Variants in CEP290 observed in about 807,000 individuals in gnomAD.
The protein encoded by CEP290 is centrosomal protein 290.
A neutral mutation model predicts 344.9 loss-of-function variants in CEP290; 317 were observed. The observed-to-expected ratio is 0.92, with a 90% CI of 0.84 to 1.01. The LOEUF (loss-of-function observed/expected upper bound fraction) is 1.01. CEP290 is among the 50% of genes least tolerant of loss of function. CEP290 has a pLI of 0.00. For synonymous variants in CEP290, 932 were observed against 895.8 expected (o/e 1.04, Z -0.72); for missense variants, 2,754 against 2,761.4 (o/e 1.00, Z 0.06).
chr12:88,111,889 T>A, intron 20 of CEP290, 31 bp from the exon 21 acceptor site: 1 of 1,416,658 alleles, frequency 7.1e-7, no homozygotes, highest in South Asian at 1.6e-5. Flanking sequence ...ATTAGAAATG[T>A]GGAGAAAAAC....
chr12:88,071,020 G>A (rs2035331486), intron 43 of CEP290, among the ~76,000 whole-genome samples: 1 of 152,104 alleles, frequency 6.6e-6, no homozygotes. Flanking sequence ...GGAACTTGTG[G>A]CCTGAACCTA....
At chr12:88,103,067 C>G in intron 25 of CEP290, 56 bp from the exon 26 acceptor site, 1 of 1,095,470 alleles carries the variant, frequency 9.1e-7, no homozygotes, top group African/African-American at 1.7e-5. Flanking sequence ...TGGTCAAGCA[C>G]TAGCCACTTT....
Position 88,109,082 on chromosome 12 carries a change from A to G in CEP290, c.2467T>C (p.Tyr823His). The part of the protein sequence containing the change: ...AVIRHQQSLL[Y>H]KEYLSEKETW... ...TACCTATACCTTAGGTATTCTTTAT[A>G]CAACAAACTTTGTTGATGACGAATT... The change falls in exon 23 of 54, where the codon TAT becomes CAT. Residue 823 changes from tyrosine to histidine, a missense_variant. Physicochemically the swap from Tyr to His is moderately conservative, Grantham distance 83. Transcript: ENST00000552810. The G allele has an allele frequency of 2.2e-6, 3 of 1,358,154 alleles. No individual in the cohort carries two copies. Among genetic ancestry groups the G allele is most frequent in the Non-Finnish European group, 3.0e-6 (3 of 1,000,732 alleles). The allele number at this position is 1,358,154 out of a possible 1,614,324, so 84.1% of individuals were successfully genotyped here. A position where few individuals can be genotyped will look rare whatever the true frequency, so the allele number is the denominator to read the frequency against.
intron 23 of CEP290, among the ~76,000 whole-genome samples, chr12:88,107,371 C>T (rs2038361055): frequency 6.6e-6 from 1 of 151,902 alleles, no homozygotes; most frequent in African/African-American, 2.4e-5. Flanking sequence ...ATAATTGAAG[C>T]TGAATCTTAT....
At chr12:88,071,608 C>T (rs2035381496) in intron 42 of CEP290, among the ~76,000 whole-genome samples, 159 bp from the exon 43 acceptor site, 1 of 151,822 alleles carries the variant, frequency 6.6e-6, no homozygotes, top group Non-Finnish European at 1.5e-5. Flanking sequence ...ATAATTGTTA[C>T]AATATATTTA....
Position 88,093,957 on chromosome 12 carries a change from T to C in CEP290, c.3122A>G (p.Asp1041Gly). 6.2e-7 allele frequency: 1 copy of C among 1,610,132 alleles called. No individual in the cohort carries two copies. The highest frequency in any genetic ancestry group is 8.5e-7 in the Non-Finnish European group (1 of 1,178,424). The change falls in exon 28 of 54, where the codon GAT (aspartate) becomes GGT (glycine). Residue 1041 changes from aspartate (D) to glycine (G), a missense_variant. Physicochemically the swap from Asp to Gly is moderately conservative, Grantham distance 94 (BLOSUM62 -1). Transcript: ENST00000552810. ...ETKLGNESSM[D>G]KAKKSITNSD... is the part of the protein sequence containing the mutation. ...GTTGGTTATTGATTTCTTTGCCTTATCCATGCTAGATTCATTACCTACATG... is the reference window on the plus strand; with the variant it reads ...GTTGGTTATTGATTTCTTTGCCTTACCCATGCTAGATTCATTACCTACATG...
At chr12:88,071,059 G>A (rs969925036) in intron 43 of CEP290, among the ~76,000 whole-genome samples, 22 of 152,080 alleles carry the variant, frequency 1.4e-4, no homozygotes, top group African/African-American at 4.8e-4. Context: ...TAAAACAAAA[G>A]TATCTACATT....
intron 27 of CEP290, among the ~76,000 whole-genome samples, chr12:88,096,053 T>A (rs917102384): frequency 3.5e-4 from 10 of 28,782 alleles, no homozygotes; most frequent in Non-Finnish European, 5.2e-4. Flanking sequence ...AAAACAAATT[T>A]TTTTTTTTTT....
At chr12:88,101,274 G>A (rs2037853950) in intron 26 of CEP290, among the ~76,000 whole-genome samples, 1 of 151,950 alleles carries the variant, frequency 6.6e-6, no homozygotes, top group African/African-American at 2.4e-5. Context: ...GAGTTCAGGA[G>A]ATCGACACCA....
intron 53 of CEP290, 26 bp downstream of exon 53, chr12:88,050,328 G>A (rs2033374081): frequency 4.2e-6 from 5 of 1,177,152 alleles, no homozygotes; most frequent in South Asian, 2.7e-5. Flanking sequence ...TTCACAAAAC[G>A]ATACTAAAAT....
intron 27 of CEP290, 30 bp from the exon 28 acceptor site, chr12:88,094,005 A>C: frequency 8.7e-4 from 1,290 of 1,481,594 alleles, no homozygotes; most frequent in Non-Finnish European, 1.1e-3. Flanking sequence ...AGTCAATCTC[A>C]TGCTGTTTAT....
rs2036719221 is a variant in CEP290, at chr12:88,087,916, T to A, written c.4058A>T (p.Glu1353Val). The change falls in exon 32 of 54, where the codon GAA (glutamate) becomes GTA (valine). Residue 1353 changes from glutamate (E) to valine (V), a missense_variant. By Grantham distance (121) the Glu-to-Val change is moderately radical. Coordinates refer to ENST00000552810, the MANE Select transcript of CEP290 (RefSeq NM_025114.4). ...TAGTTTAAGTTCTTGAAGACGAAGT[T>A]CTTCTATTTTCATATGCCAGTTGAT... The part of the protein sequence containing the change: ...KVINWHMKIE[E>V]LRLQELKLNR... 8.3e-7 allele frequency: 1 copy of A among 1,197,860 alleles called. No individual in the cohort carries two copies. The highest frequency in any genetic ancestry group is 1.1e-6 in the Non-Finnish European group (1 of 935,280). The allele number at this position is 1,197,860 out of a possible 1,614,324, so 74.2% of individuals were successfully genotyped here.
At chr12:88,051,134 A>C (rs557533859) in intron 52 of CEP290, among the ~76,000 whole-genome samples, 147 of 152,196 alleles carry the variant, frequency 9.7e-4, no homozygotes, top group African/African-American at 3.5e-3. Flanking sequence ...AAAAATAATA[A>C]AATACTAAAA....
intron 17 of CEP290, among the ~76,000 whole-genome samples, chr12:88,117,914 T>C (rs1251328057): frequency 6.6e-6 from 1 of 151,990 alleles, no homozygotes; most frequent in Non-Finnish European, 1.5e-5. Context: ...CTCACGCCTG[T>C]AGTCTCAACT....
chr12:88,086,499 C>G lies in CEP290; in HGVS notation c.4195-1G>C, dbSNP rs751807811. On this transcript the variant is annotated splice_acceptor_variant, in intron 32 of 53. Transcript: ENST00000552810. LOFTEE classifies it high-confidence loss of function. ...AGGCCATTTGTCTTTCTTCATGAAA[C>G]TAAAAAAAGGACAATTTGTGTCAGA... 6.3e-7 allele frequency: 1 copy of G among 1,580,692 alleles called. No individual in the cohort carries two copies. Among genetic ancestry groups the G allele is most frequent in the Non-Finnish European group, 8.6e-7 (1 of 1,161,134 alleles).
chr12:88,125,330 C>A lies in CEP290; in HGVS notation c.1105G>T (p.Glu369Ter). Residue 369 changes from glutamate (E) to a stop codon, truncating the protein, a stop_gained, in exon 13 of 54, where the codon GAA becomes TAA. Coordinates refer to ENST00000552810, the MANE Select transcript of CEP290 (RefSeq NM_025114.4). LOFTEE classifies it high-confidence loss of function. Reference protein sequence around the residue: ...ERDSQIKMLTEQVEQYTKEME... With the variant: ...ERDSQIKMLT ...TCTTTTGTATATTGTTCTACTTGTT[C>A]GGTGAGCATCTTAATTTGACTGTCT... 2 of 1,315,732 alleles carry A rather than the reference C, an allele frequency of 1.5e-6. No individual in the cohort carries two copies. The highest frequency in any genetic ancestry group is 2.0e-6 in the Non-Finnish European group (2 of 1,002,554). The allele number at this position is 1,315,732 out of a possible 1,614,324, so 81.5% of individuals were successfully genotyped here. A position where few individuals can be genotyped will look rare whatever the true frequency, so the allele number is the denominator to read the frequency against.
Position 88,049,127 on chromosome 12 carries a change from A to ATATT in CEP290, c.*53_*56dup. On this transcript the variant is annotated 3_prime_UTR_variant, in exon 54 of 54. Coordinates refer to ENST00000552810, the MANE Select transcript of CEP290 (RefSeq NM_025114.4). ...TTCGGAGAACTGCTTATTTCCAAGTATATTTAACTTATAAAGTTAATAAAT... is the reference window on the plus strand; with the variant it reads ...TTCGGAGAACTGCTTATTTCCAAGTATATTTATTTAACTTATAAAGTTAATAAAT... The ATATT allele has an allele frequency of 9.9e-7, 1 of 1,010,950 alleles. No individual in the cohort carries two copies. Among genetic ancestry groups the ATATT allele is most frequent in the South Asian group, 1.6e-5 (1 of 61,984 alleles). 62.6% of individuals were successfully genotyped at this position (1,010,950 alleles called of 1,614,324 possible).
Position 88,049,126 on chromosome 12 carries a change from T to C in CEP290, c.*58A>G. On this transcript the variant is annotated 3_prime_UTR_variant, in exon 54 of 54. Coordinates refer to ENST00000552810, the MANE Select transcript of CEP290 (RefSeq NM_025114.4). ...GTTCGGAGAACTGCTTATTTCCAAG[T>C]ATATTTAACTTATAAAGTTAATAAA... 1.0e-6 allele frequency: 1 copy of C among 995,600 alleles called. No homozygotes were observed. The highest frequency in any genetic ancestry group is 2.4e-5 in the Admixed American group (1 of 41,606). 61.7% of individuals were successfully genotyped at this position (995,600 alleles called of 1,614,324 possible).
chr12:88,058,696 C>G (rs1282627174), intron 49 of CEP290, 152 bp downstream of exon 49: 1 of 774,420 alleles, frequency 1.3e-6, no homozygotes, highest in Non-Finnish European at 2.0e-6. Flanking sequence ...TCCAACAATA[C>G]TACAACAGAA....
Sources: gnomAD v4.1 joint callset for allele counts (sites outside exome capture counted in the v4.1 genomes callset) on GRCh38, gnomAD v4.1.1 for gene constraint, MANE v1.5 for transcripts, NCBI Gene and HGNC (gene_info 2026-07-23, HGNC 2026-07-21) for gene names.